ADAM9: variants seen among roughly 807,000 people sequenced by gnomAD.
The protein encoded by ADAM9 is ADAM metallopeptidase domain 9.
In ADAM9, 54 loss-of-function variants were observed where a neutral mutation model predicts 108.1. The ratio of observed to expected loss-of-function variants is 0.50; its 90% CI spans 0.40 to 0.63. ADAM9 has a LOEUF of 0.63. Among genes scored for constraint, ADAM9 ranks in the 20% least tolerant of loss-of-function variants. The pLI, the probability that ADAM9 is intolerant of heterozygous loss-of-function variation, is 0.00. For missense variants in ADAM9, 830 were observed against 997.7 expected, an observed-to-expected ratio of 0.83 and a Z score of 2.26; for synonymous variants, 316 against 336.0, an observed-to-expected ratio of 0.94 and a Z score of 0.65.
intron 15 of ADAM9, among the ~76,000 whole-genome samples, chr8:39,071,712 G>T (rs1179962514): frequency 2.6e-5 from 4 of 152,086 alleles, no homozygotes; most frequent in Non-Finnish European, 5.9e-5. Flanking sequence ...TGATCCGCTC[G>T]CCTCAGCCTC....
At chr8:39,094,326 A>G (rs1564382059) in intron 20 of ADAM9, among the ~76,000 whole-genome samples, 2 of 152,192 alleles carry the variant, frequency 1.3e-5, no homozygotes, top group Non-Finnish European at 2.9e-5. Context: ...TCAGTTTGCT[A>G]GTATTTTGTT....
chr8:39,086,214 G>C (rs10958534), intron 18 of ADAM9, among the ~76,000 whole-genome samples: 121,024 of 152,112 alleles, frequency 0.8, 48,356 homozygotes, highest in East Asian at 0.95. Context: ...AGGGTTTTAC[G>C]CTGTTGGCCA....
At position 39,077,323 on chromosome 8, in the gene ADAM9, C is replaced by A; in HGVS notation, c.1793C>A (p.Thr598Asn). The A allele has an allele frequency of 1.9e-6, 3 of 1,613,944 alleles. No individual in the cohort carries two copies. The Middle Eastern group carries it at 4.9e-4, about 266-fold the overall frequency. The change falls in exon 16 of 22, where the codon ACC becomes AAC. Residue 598 changes from threonine to asparagine, a missense_variant. Transcript: ENST00000487273. ...PAIIQTPSRG[T>N]KCWGVDFQLG... is the part of the protein sequence containing the mutation. ...ATTATTCAAACGCCTAGTCGAGGCA[C>A]CAAATGTTGGGGTGTGGATTTCCAG...
chr8:39,068,059 A>G (rs1489360175), intron 14 of ADAM9, among the ~76,000 whole-genome samples: 1 of 152,022 alleles, frequency 6.6e-6, no homozygotes, highest in East Asian at 1.9e-4. Context: ...ATTGATTTGC[A>G]TATGTTGTTT....
At chr8:39,016,760 T>C (rs577104831) in intron 5 of ADAM9, among the ~76,000 whole-genome samples, 2 of 152,226 alleles carry the variant, frequency 1.3e-5, no homozygotes, top group African/African-American at 4.8e-5. Context: ...CTAACACTTA[T>C]TTGGTAGTTA....
rs557182476 is a variant in ADAM9, at chr8:39,016,421, C to A, written c.410+227C>A. Among the ~76,000 whole-genome samples, 4 of 152,030 alleles carry A rather than the reference C, an allele frequency of 2.6e-5. No homozygotes were observed. The South Asian group carries it at 8.3e-4, about 32-fold the overall frequency. The stretch of plus-strand genomic sequence containing the variant: ...TGTAAAGAGGAAATTTTTTTTGAGA[C>A]CACTAAATCATTTTTGCTATTTAAA... On this transcript the variant is annotated intron_variant, in intron 5 of 21. Coordinates refer to ENST00000487273, the MANE Select transcript of ADAM9 (RefSeq NM_003816.3).
chr8:39,006,521 A>T (rs1836165028), intron 1 of ADAM9, among the ~76,000 whole-genome samples: 1 of 85,070 alleles, frequency 1.2e-5, no homozygotes. Context: ...GGAGGAGAGT[A>T]TGAGAGTAGG....
intron 1 of ADAM9, among the ~76,000 whole-genome samples, chr8:38,998,672 A>C (rs1835902628): frequency 6.6e-6 from 1 of 152,206 alleles, no homozygotes; most frequent in Non-Finnish European, 1.5e-5. Context: ...TTTTTAGAGA[A>C]AATAATATTT....
chr8:39,034,152 T>C (rs917174328), intron 11 of ADAM9, among the ~76,000 whole-genome samples: 24 of 152,276 alleles, frequency 1.6e-4, no homozygotes, highest in African/African-American at 5.5e-4. Context: ...CTTAGCCTCC[T>C]GATGTGCTGG....
chr8:39,037,354 G>A (rs1406222901), intron 11 of ADAM9, among the ~76,000 whole-genome samples: 1 of 149,580 alleles, frequency 6.7e-6, no homozygotes, highest in Non-Finnish European at 1.5e-5. Context: ...CGGCCTGCCT[G>A]CGCAAGTTCT....
At chr8:39,032,836 A>C (rs1198202179) in intron 11 of ADAM9, among the ~76,000 whole-genome samples, 2 of 152,184 alleles carry the variant, frequency 1.3e-5, no homozygotes, top group Non-Finnish European at 2.9e-5. Flanking sequence ...GCAGCTTTAG[A>C]GTAAGTCTTG....
chr8:38,997,218 G>A, intron 1 of ADAM9, 58 bp downstream of exon 1: 1 of 1,535,538 alleles, frequency 6.5e-7, no homozygotes, highest in East Asian at 2.4e-5. Context: ...CGGGGCGCTC[G>A]GAGTGAACCT....
chr8:39,035,987 A>G (rs953030729), intron 11 of ADAM9, among the ~76,000 whole-genome samples: 1 of 151,034 alleles, frequency 6.6e-6, no homozygotes, highest in Non-Finnish European at 1.5e-5. Flanking sequence ...CCTCTACTTC[A>G]TAGGCTGTTT....
chr8:39,034,800 G>T (rs533929624), intron 11 of ADAM9, among the ~76,000 whole-genome samples: 1 of 151,094 alleles, frequency 6.6e-6, no homozygotes, highest in Non-Finnish European at 1.5e-5. Context: ...TCACAATTTT[G>T]TCTTTAAACT....
chr8:39,103,756 T>G lies in ADAM9; in HGVS notation c.*56T>G. The G allele has an allele frequency of 6.5e-7, 1 of 1,534,720 alleles. No homozygotes were observed. Among genetic ancestry groups the G allele is most frequent in the Non-Finnish European group, 9.0e-7 (1 of 1,109,782 alleles). ...CAGGGAACTGAGCTAATACTTTTTT[T>G]TTTTCTTGATGTTTTCTTGAAAAGC... On this transcript the variant is annotated 3_prime_UTR_variant, in exon 22 of 22. Coordinates refer to ENST00000487273, the MANE Select transcript of ADAM9 (RefSeq NM_003816.3).
intron 11 of ADAM9, among the ~76,000 whole-genome samples, chr8:39,040,764 A>C (rs1216004805): frequency 6.6e-6 from 1 of 152,188 alleles, no homozygotes; most frequent in Non-Finnish European, 1.5e-5. Flanking sequence ...AGACCGATGG[A>C]ACGGAATAGA....
chr8:39,050,170 T>G (rs964297307), intron 12 of ADAM9, among the ~76,000 whole-genome samples: 1 of 152,208 alleles, frequency 6.6e-6, no homozygotes, highest in Non-Finnish European at 1.5e-5. Flanking sequence ...TGAATTGCTT[T>G]CTTTCTTACT....
At position 39,008,019 on chromosome 8, in the gene ADAM9, A is replaced by T. The variant is rs185417677; in HGVS notation, c.195+36A>T. On this transcript the variant is annotated intron_variant, in intron 2 of 21. Coordinates refer to ENST00000487273, the MANE Select transcript of ADAM9 (RefSeq NM_003816.3). ...ATTGTTGAGAAATAATATGTGGTTA[A>T]TTTTTTTCTTTTCTGTTTTAGCACA... 3.1e-4 allele frequency: 456 copies of T among 1,486,732 alleles called. 2 individuals are homozygous for T. The highest frequency in any genetic ancestry group is 2.4e-5 in the Non-Finnish European group (26 of 1,070,294). 92.1% of individuals were successfully genotyped at this position (1,486,732 alleles called of 1,614,324 possible).
intron 14 of ADAM9, among the ~76,000 whole-genome samples, chr8:39,056,495 C>G (rs1838127709): frequency 6.6e-6 from 1 of 152,064 alleles, no homozygotes; most frequent in African/African-American, 2.4e-5. Context: ...TCCTTCAACC[C>G]TTAACAACTC....
Sources: gnomAD v4.1 joint callset for allele counts (sites outside exome capture counted in the v4.1 genomes callset) on GRCh38, gnomAD v4.1.1 for gene constraint, MANE v1.5 for transcripts, NCBI Gene and HGNC (gene_info 2026-07-23, HGNC 2026-07-21) for gene names.